FOXO1: variants seen among roughly 807,000 people sequenced by gnomAD.
FOXO1 encodes the protein forkhead box O1.
A neutral mutation model predicts 44.1 loss-of-function variants in FOXO1; 6 were observed. The observed-to-expected ratio is 0.14, with a 90% CI of 0.07 to 0.27. The LOEUF (loss-of-function observed/expected upper bound fraction) is 0.27, where lower values mean the gene tolerates loss of function less well. Ranked by LOEUF, FOXO1 falls within the 10% of genes least tolerant of loss-of-function variation. The pLI is 1.00. For synonymous variants in FOXO1, 380 were observed against 362.7 expected, an observed-to-expected ratio of 1.05 and a Z score of -0.54; for missense variants, 737 against 888.8, an observed-to-expected ratio of 0.83 and a Z score of 2.17.
chr13:40,623,385 C>A (rs958325423), intron 1 of FOXO1, among the ~76,000 whole-genome samples: 15 of 152,006 alleles, frequency 9.9e-5, no homozygotes, highest in Non-Finnish European at 1.8e-4. Flanking sequence ...CACACGACAA[C>A]CCAGAAGACA....
At chr13:40,599,655 T>C (rs1451591023) in intron 1 of FOXO1, among the ~76,000 whole-genome samples, 1 of 152,162 alleles carries the variant, frequency 6.6e-6, no homozygotes, top group Non-Finnish European at 1.5e-5. Flanking sequence ...GGAAAAGGGA[T>C]GCCCTGCTAG....
At chr13:40,651,711 ACAT>A (rs1057104710) in intron 1 of FOXO1, among the ~76,000 whole-genome samples, 17 of 151,296 alleles carry the variant, frequency 1.1e-4, no homozygotes, top group East Asian at 1.9e-4. Context: ...ATCTAAATAT[ACAT>A]CATATTTATA....
At chr13:40,632,327 A>T (rs760523759) in intron 1 of FOXO1, among the ~76,000 whole-genome samples, 1 of 152,242 alleles carries the variant, frequency 6.6e-6, no homozygotes, top group South Asian at 2.1e-4. Context: ...AATCATATAT[A>T]TAAGGGATTA....
rs768233462 is a variant in FOXO1 at position 40,559,883 on chromosome 13, C to A, written c.1608G>T (p.Gly536=). The change falls in exon 2 of 3, where the codon GGG becomes GGT. Residue 536 remains glycine, a synonymous_variant. Coordinates refer to ENST00000379561, the MANE Select transcript of FOXO1 (RefSeq NM_002015.4). ...GHAQQTSAVN[G]RPLPHTVSTM... Reference sequence around the variant, plus strand: ...TGCTTACCGTGTGGGGCAGGGGACGCCCGTTAACTGCAGATGTCTGCTGAG... The same window carrying A: ...TGCTTACCGTGTGGGGCAGGGGACGACCGTTAACTGCAGATGTCTGCTGAG... 3.8e-5 allele frequency: 61 copies of A among 1,614,018 alleles called. No individual in the cohort carries two copies. Among genetic ancestry groups the A allele is most frequent in the Non-Finnish European group, 5.0e-5 (59 of 1,180,018 alleles).
chr13:40,582,377 G>A lies in FOXO1; in HGVS notation c.631-21517C>T, dbSNP rs1874990626. On this transcript the variant is annotated intron_variant, in intron 1 of 2. Coordinates refer to ENST00000379561, the MANE Select transcript of FOXO1 (RefSeq NM_002015.4). ...ATCAGGGTGGTGGTAGCTAAAAGCTGGGATCGCTTTGGTAATTTCTTAAAA... is the reference window on the plus strand; with the variant it reads ...ATCAGGGTGGTGGTAGCTAAAAGCTAGGATCGCTTTGGTAATTTCTTAAAA... Among the ~76,000 whole-genome samples, 4 of 152,176 alleles carry A rather than the reference G, an allele frequency of 2.6e-5. No individual in the cohort carries two copies. The South Asian group carries it at 8.3e-4, about 32-fold the overall frequency.
intron 1 of FOXO1, chr13:40,620,445 T>A: frequency 1.5e-6 from 1 of 645,356 alleles, no homozygotes; most frequent in Non-Finnish European, 2.8e-6. Flanking sequence ...TGTTGAGCCA[T>A]CATCAGTGGC....
intron 1 of FOXO1, among the ~76,000 whole-genome samples, chr13:40,607,283 A>T (rs2137886539): frequency 6.6e-6 from 1 of 152,302 alleles, no homozygotes; most frequent in East Asian, 1.9e-4. Flanking sequence ...CGCCTAGCAA[A>T]ATGCTGGGGA....
chr13:40,620,799 C>CTTTTTTTTTTTT (rs111991105), intron 1 of FOXO1, among the ~76,000 whole-genome samples: 24 of 121,226 alleles, frequency 2.0e-4, no homozygotes, highest in Non-Finnish European at 2.8e-4. Context: ...CTTCCCCTTG[C>CTTTTTTTTTTTT]TTTTTTTTTT....
chr13:40,640,934 C>A (rs980082487), intron 1 of FOXO1, among the ~76,000 whole-genome samples: 1 of 152,160 alleles, frequency 6.6e-6, no homozygotes, highest in African/African-American at 2.4e-5. Flanking sequence ...CAGGCACCTG[C>A]CACCATACCC....
intron 1 of FOXO1, among the ~76,000 whole-genome samples, chr13:40,659,823 A>C (rs1331394017): frequency 6.6e-6 from 1 of 152,192 alleles, no homozygotes; most frequent in East Asian, 1.9e-4. Flanking sequence ...TAATGAATAA[A>C]GCAAGTTTTT....
chr13:40,573,534 C>T (rs1370066287), intron 1 of FOXO1, among the ~76,000 whole-genome samples: 1 of 152,200 alleles, frequency 6.6e-6, no homozygotes, highest in Non-Finnish European at 1.5e-5. Context: ...ACTTGAATGA[C>T]TAAGCAAACC....
chr13:40,638,236 C>G (rs1485568873), intron 1 of FOXO1, among the ~76,000 whole-genome samples: 1 of 151,976 alleles, frequency 6.6e-6, no homozygotes, highest in Non-Finnish European at 1.5e-5. Context: ...ATTTAAGGAC[C>G]TAGTAATTTA....
chr13:40,592,555 TCTC>T (rs1248638595), intron 1 of FOXO1, among the ~76,000 whole-genome samples: 1 of 152,124 alleles, frequency 6.6e-6, no homozygotes, highest in Non-Finnish European at 1.5e-5. Flanking sequence ...TATCTCCAAT[TCTC>T]CTCTCCTGCC....
intron 1 of FOXO1, chr13:40,619,546 G>T: frequency 7.2e-7 from 1 of 1,390,132 alleles, no homozygotes. Context: ...AATTCATGGA[G>T]ATTATACAAA....
chr13:40,621,814 T>TA (rs1242630067), intron 1 of FOXO1, among the ~76,000 whole-genome samples: 7 of 152,244 alleles, frequency 4.6e-5, no homozygotes, highest in Non-Finnish European at 7.3e-5. Flanking sequence ...GAATGTGTGC[T>TA]ATACATGTTA....
intron 1 of FOXO1, among the ~76,000 whole-genome samples, chr13:40,626,710 G>T (rs569934934): frequency 1.6e-4 from 25 of 152,290 alleles, no homozygotes; most frequent in African/African-American, 6.0e-4. Flanking sequence ...AAGATGCCTA[G>T]TTTCACTTGC....
At chr13:40,583,487 T>C (rs949956764) in intron 1 of FOXO1, among the ~76,000 whole-genome samples, 4 of 152,244 alleles carry the variant, frequency 2.6e-5, no homozygotes, top group African/African-American at 9.6e-5. Flanking sequence ...TGAAAATCTG[T>C]TGTTTAGTGT....
chr13:40,560,375 T>C lies in FOXO1; in HGVS notation c.1116A>G (p.Glu372=), dbSNP rs765164425. ...LSEISNPENM[E]NLLDNLNLLS... ...GAAGGTTGAGATTATCCAAAAGATT[T>C]TCCATGTTTTCGGGATTGCTTATCT... The change falls in exon 2 of 3, where the codon GAA becomes GAG. Residue 372 remains glutamate (E), a synonymous_variant. Transcript: ENST00000379561. The surrounding 1 kb of genome is among the most constrained non-coding windows in gnomAD (Gnocchi z 5.1). The C allele has an allele frequency of 1.2e-6, 2 of 1,614,164 alleles. No individual in the cohort carries two copies. The highest frequency in any genetic ancestry group is 1.7e-6 in the Non-Finnish European group (2 of 1,180,040).
chr13:40,575,558 A>G (rs1463733217), intron 1 of FOXO1, among the ~76,000 whole-genome samples: 2 of 152,216 alleles, frequency 1.3e-5, no homozygotes. Flanking sequence ...GGCCTACCTA[A>G]TGTAAAGTAT....
Sources: allele counts gnomAD v4.1 joint callset (sites outside exome capture counted in the v4.1 genomes callset), GRCh38; gene constraint gnomAD v4.1.1; non-coding constraint Gnocchi (gnomAD v3.1); transcripts MANE v1.5; gene names NCBI Gene and HGNC (gene_info 2026-07-23, HGNC 2026-07-21).